The following HECW1 variants were observed in gnomAD, a reference collection of about 807,000 sequenced individuals.
HECW1 encodes HECT, C2 and WW domain containing E3 ubiquitin protein ligase 1.
Under a neutral mutation model 182.3 loss-of-function variants are expected in HECW1, and 61 were observed. The ratio of observed to expected loss-of-function variants is 0.33; its 90% CI spans 0.27 to 0.41. HECW1 has a LOEUF of 0.41. Ranked by LOEUF, HECW1 falls within the 10% of genes least tolerant of loss-of-function variation. The pLI, the probability that HECW1 is intolerant of heterozygous loss-of-function variation, is 1.00. For synonymous variants in HECW1, 859 were observed against 832.6 expected (o/e 1.03, Z -0.55); for missense variants, 1,739 against 2,108.9 (o/e 0.82, Z 3.44).
chr7:43,496,598 C>T (rs1251332466), intron 19 of HECW1, among the ~76,000 whole-genome samples: 2 of 152,186 alleles, frequency 1.3e-5, no homozygotes, highest in Non-Finnish European at 2.9e-5. Context: ...CCACTCTCCT[C>T]AGGACCCCAC....
At chr7:43,357,649 T>C (rs1260459323) in intron 5 of HECW1, among the ~76,000 whole-genome samples, 3 of 152,084 alleles carry the variant, frequency 2.0e-5, no homozygotes, top group African/African-American at 4.8e-5. Flanking sequence ...TAGTGTTTGA[T>C]ACATCAATAG....
rs766192433 is a variant in HECW1 at position 43,466,139 on chromosome 7, AAG to A, written c.2792-298_2792-297del. 2.0e-3 allele frequency among the ~76,000 whole-genome samples: 294 copies of A among 146,660 alleles called. 1 individual carries two copies. The highest frequency in any genetic ancestry group is 5.7e-3 in the African/African-American group (228 of 39,752). On this transcript the variant is annotated intron_variant, in intron 14 of 29. Coordinates refer to ENST00000395891, the MANE Select transcript of HECW1 (RefSeq NM_015052.5). ...AAAGAAAGAAAAAGAAAGAAAGGGA[AAG>A]AGAGAGAGAAAGAAGGAAGGAAGGA...
At chr7:43,388,440 A>G (rs566052764) in intron 6 of HECW1, among the ~76,000 whole-genome samples, 3 of 152,168 alleles carry the variant, frequency 2.0e-5, no homozygotes, top group Non-Finnish European at 4.4e-5. Context: ...TGATTTTCAT[A>G]TTGCCAAGCT....
chr7:43,441,195 C>T (rs1267413058), intron 9 of HECW1, among the ~76,000 whole-genome samples: 1 of 152,138 alleles, frequency 6.6e-6, no homozygotes, highest in Non-Finnish European at 1.5e-5. Context: ...AGGTTGATTG[C>T]CTCTAGAAAG....
chr7:43,400,066 T>C (rs184046542), intron 7 of HECW1, among the ~76,000 whole-genome samples: 12 of 151,972 alleles, frequency 7.9e-5, no homozygotes, highest in Non-Finnish European at 1.6e-4. Flanking sequence ...AAGATCCCAT[T>C]GCTACAAAAA....
intron 16 of HECW1, among the ~76,000 whole-genome samples, chr7:43,478,667 G>GA (rs796134829): frequency 5.4e-4 from 82 of 151,962 alleles, no homozygotes; most frequent in African/African-American, 1.8e-3. Flanking sequence ...GTATAGAAAA[G>GA]AAAAAACTAA....
chr7:43,195,328 C>G (rs540602873), intron 2 of HECW1, among the ~76,000 whole-genome samples: 4 of 152,204 alleles, frequency 2.6e-5, no homozygotes, highest in Non-Finnish European at 5.9e-5. Flanking sequence ...AGGCCCTGTG[C>G]CACCTTGTCA....
chr7:43,491,096 C>T (rs1203946258), intron 17 of HECW1, among the ~76,000 whole-genome samples: 2 of 152,174 alleles, frequency 1.3e-5, no homozygotes, highest in Admixed American at 1.3e-4. Context: ...CAAGTATCAA[C>T]TTTAGGCTAA....
At chr7:43,170,252 G>A (rs1791548754) in intron 2 of HECW1, among the ~76,000 whole-genome samples, 1 of 152,128 alleles carries the variant, frequency 6.6e-6, no homozygotes, top group Admixed American at 6.5e-5. Flanking sequence ...ATATTAACAT[G>A]TAATAATATA....
rs191384481 is a variant in HECW1 at position 43,285,272 on chromosome 7, G to A, written c.28-26491G>A. ...CTCACCTGTGGAGCTCTGAAAAACC[G>A]TGATACTCAGACCTCACCACTGGCC... On this transcript the variant is annotated intron_variant, in intron 3 of 29. Transcript: ENST00000395891. Among the ~76,000 whole-genome samples the A allele has an allele frequency of 1.1e-3, 170 of 152,268 alleles. 1 individual carries two copies. Among genetic ancestry groups the A allele is most frequent in the African/African-American group, 4.0e-3 (165 of 41,558 alleles).
At chr7:43,439,907 C>G (rs2076828952) in intron 9 of HECW1, 1 of 152,280 alleles carries the variant, frequency 6.6e-6, no homozygotes, top group Non-Finnish European at 1.5e-5. Flanking sequence ...GAGCTTACAC[C>G]TCTCCAAGAG....
chr7:43,554,369 G>C (rs2081950776), intron 28 of HECW1, among the ~76,000 whole-genome samples: 1 of 152,178 alleles, frequency 6.6e-6, no homozygotes, highest in South Asian at 2.1e-4. Flanking sequence ...AGAACATAAA[G>C]TCCTTTTATA....
chr7:43,137,070 A>G (rs1209930392), intron 2 of HECW1, among the ~76,000 whole-genome samples: 2 of 152,168 alleles, frequency 1.3e-5, no homozygotes, highest in Admixed American at 1.3e-4. Flanking sequence ...TGAGACACAG[A>G]TGTATCACCC....
intron 24 of HECW1, among the ~76,000 whole-genome samples, chr7:43,519,269 CAG>C (rs2080323830): frequency 6.6e-6 from 1 of 150,662 alleles, no homozygotes; most frequent in Admixed American, 6.6e-5. Context: ...TTTTTTTAGA[CAG>C]AGTCTTGCTC....
intron 8 of HECW1, among the ~76,000 whole-genome samples, chr7:43,428,983 T>C (rs886605005): frequency 3.3e-5 from 5 of 151,378 alleles, no homozygotes; most frequent in Non-Finnish European, 1.5e-5. Flanking sequence ...TGTATACAAA[T>C]ACGTACAGAT....
chr7:43,554,613 T>C lies in HECW1; in HGVS notation c.4532T>C (p.Val1511Ala). 1 of 1,613,252 alleles carries C rather than the reference T, an allele frequency of 6.2e-7. No homozygotes were observed. ...GCAGGTTACCACGATGGGCATCTTG[T>C]GATCCGCTGGTTCTGGGCTGCGGTG... ...YRGGYHDGHL[V>A]IRWFWAAVER... Residue 1511 changes from valine to alanine, a missense_variant, in exon 29 of 30, where the codon GTG becomes GCG. By Grantham distance (64) the Val-to-Ala change is moderately conservative. This residue lies in a region of HECW1 where 420 missense variants were observed against 595.7 expected (regional missense o/e 0.71). Transcript: ENST00000395891.
intron 1 of HECW1, among the ~76,000 whole-genome samples, chr7:43,113,293 A>T (rs917607855): frequency 6.6e-6 from 1 of 151,900 alleles, no homozygotes; most frequent in Non-Finnish European, 1.5e-5. Context: ...GAGGGGGCGG[A>T]GAGACCTACG....
In HECW1 at chr7:43,451,053, A is replaced by G. The variant is rs1173595726; in HGVS notation, c.2500+124A>G. The G allele has an allele frequency of 3.2e-5, 21 of 660,950 alleles. No homozygotes were observed. The Admixed American group carries it at 5.3e-4, about 17-fold the overall frequency. The allele number at this position is 660,950 out of a possible 1,614,324, so 40.9% of individuals were successfully genotyped here. A position where few individuals can be genotyped will look rare whatever the true frequency, so the allele number is the denominator to read the frequency against. ...TCCGTGCCTTACAGTGTTAACAAAG[A>G]CCAATATGACACCTGCTCTAAAAAC... is the stretch of plus-strand genomic sequence containing the variant. On this transcript the variant is annotated intron_variant, in intron 12 of 29. Transcript: ENST00000395891.
In HECW1 at chr7:43,492,117, A is replaced by C. The variant is rs746971899; in HGVS notation, c.3277A>C (p.Arg1093=). 12 of 1,603,408 alleles carry C rather than the reference A, an allele frequency of 7.5e-6. No homozygotes were observed. The highest frequency in any genetic ancestry group is 1.4e-5 in the African/African-American group (1 of 73,918). ...SRNRGASLLA[R]PGHSLVAAIR... ...AAACAGAGGAGCCTCTTTACTGGCC[A>C]GGCCAGGACACAGCTTAGTAGCTGC... is the stretch of plus-strand genomic sequence containing the variant. Residue 1093 remains arginine (R), a synonymous_variant, in exon 18 of 30, where the codon AGG becomes CGG. Transcript: ENST00000395891.
Sources: allele counts gnomAD v4.1 joint callset (sites outside exome capture counted in the v4.1 genomes callset), GRCh38; gene constraint gnomAD v4.1.1; regional missense constraint gnomAD v4.1.1; transcripts MANE v1.5; gene names NCBI Gene and HGNC (gene_info 2026-07-23, HGNC 2026-07-21).